The following VAV3 variants were observed in gnomAD, a reference collection of about 807,000 sequenced individuals.
VAV3 encodes guanine nucleotide exchange factor VAV3.
Under a neutral mutation model 131.2 loss-of-function variants are expected in VAV3, and 94 were observed. The observed-to-expected ratio is 0.72, with a 90% CI of 0.61 to 0.85. VAV3 has a LOEUF of 0.85. Among genes scored for constraint, VAV3 ranks in the 40% least tolerant of loss-of-function variants. The pLI is 0.00. For synonymous variants in VAV3, 349 were observed against 342.0 expected, an observed-to-expected ratio of 1.02 and a Z score of -0.22; for missense variants, 939 against 1,002.7, an observed-to-expected ratio of 0.94 and a Z score of 0.86.
At chr1:107,690,513 C>T (rs534353420) in intron 17 of VAV3, among the ~76,000 whole-genome samples, 11 of 152,274 alleles carry the variant, frequency 7.2e-5, no homozygotes, top group East Asian at 3.9e-4. Context: ...GACCCAGACA[C>T]GGCACTGATG....
chr1:107,806,488 T>C (rs547720278), intron 2 of VAV3, among the ~76,000 whole-genome samples: 1 of 151,890 alleles, frequency 6.6e-6, no homozygotes, highest in Non-Finnish European at 1.5e-5. Context: ...CTTGCTTCTA[T>C]GCCACCATTT....
intron 2 of VAV3, among the ~76,000 whole-genome samples, chr1:107,791,438 C>T (rs1287176598): frequency 6.6e-6 from 1 of 151,464 alleles, no homozygotes; most frequent in East Asian, 1.9e-4. Flanking sequence ...CACATGTGAA[C>T]CCAAGGCACC....
At chr1:107,610,641 A>G (rs1196110274) in intron 21 of VAV3, among the ~76,000 whole-genome samples, 1 of 152,180 alleles carries the variant, frequency 6.6e-6, no homozygotes, top group Non-Finnish European at 1.5e-5. Flanking sequence ...TGTTTCACAT[A>G]GAGCTTCGCA....
At chr1:107,696,768 G>C (rs1157874075) in intron 17 of VAV3, among the ~76,000 whole-genome samples, 2 of 152,076 alleles carry the variant, frequency 1.3e-5, no homozygotes, top group African/African-American at 4.8e-5. Flanking sequence ...GTCAAGTTCT[G>C]CTGAAATCAT....
chr1:107,677,323 A>G (rs1282036441), intron 19 of VAV3, among the ~76,000 whole-genome samples: 1 of 152,194 alleles, frequency 6.6e-6, no homozygotes, highest in Non-Finnish European at 1.5e-5. Flanking sequence ...CAAAGTCAAT[A>G]TGTTTTGACC....
intron 3 of VAV3, among the ~76,000 whole-genome samples, chr1:107,778,083 C>T (rs1462477379): frequency 3.3e-5 from 5 of 152,146 alleles, no homozygotes; most frequent in Non-Finnish European, 7.4e-5. Flanking sequence ...CTACTCTTTT[C>T]AGGCAGCCAG....
intron 19 of VAV3, among the ~76,000 whole-genome samples, chr1:107,673,877 AGAG>A (rs1658002795): frequency 6.6e-6 from 1 of 152,228 alleles, no homozygotes; most frequent in Non-Finnish European, 1.5e-5. Flanking sequence ...TAATTTGTCC[AGAG>A]AACTTTTTCT....
At chr1:107,727,223 C>T (rs966314010) in intron 15 of VAV3, among the ~76,000 whole-genome samples, 1 of 152,196 alleles carries the variant, frequency 6.6e-6, no homozygotes, top group Non-Finnish European at 1.5e-5. Flanking sequence ...GTCCCATGGC[C>T]AAGTCAGTGA....
chr1:107,617,038 C>A (rs1653207499), intron 21 of VAV3, among the ~76,000 whole-genome samples: 1 of 152,078 alleles, frequency 6.6e-6, no homozygotes, highest in Non-Finnish European at 1.5e-5. Context: ...AGGAAATGTT[C>A]ATTTATTCTC....
In VAV3 at chr1:107,677,218, T is replaced by C. The variant is rs180766543; in HGVS notation, c.1777+6270A>G. Among the ~76,000 whole-genome samples the C allele has an allele frequency of 1.6e-4, 24 of 152,310 alleles. No individual in the cohort carries two copies. In the East Asian group the frequency reaches 4.6e-3, roughly 29 times the overall value. ...ATCTTGCTATTTCTACATAGAACTG[T>C]AGTATAAATAAGATCATAAATTATA... On this transcript the variant is annotated intron_variant, in intron 19 of 26. Coordinates refer to ENST00000370056, the MANE Select transcript of VAV3 (RefSeq NM_006113.5).
chr1:107,648,832 G>A (rs923101188), intron 19 of VAV3, among the ~76,000 whole-genome samples: 4 of 151,950 alleles, frequency 2.6e-5, no homozygotes, highest in Non-Finnish European at 4.4e-5. Context: ...AACCTACAGG[G>A]AATGAGACTG....
At chr1:107,630,263 T>C (rs1654356503) in intron 20 of VAV3, among the ~76,000 whole-genome samples, 1 of 151,998 alleles carries the variant, frequency 6.6e-6, no homozygotes, top group South Asian at 2.1e-4. Flanking sequence ...TCTCCCAACA[T>C]GAAACACAGT....
At chr1:107,779,539 T>A (rs376457338) in intron 2 of VAV3, 47 bp from the exon 3 acceptor site, 4 of 1,465,790 alleles carry the variant, frequency 2.7e-6, no homozygotes, top group Non-Finnish European at 2.7e-6. Context: ...TCAGAAAATA[T>A]AAGATTTCTT....
rs189654759 is a variant in VAV3 at position 107,937,812 on chromosome 1, C to G, written c.204+26854G>C. Among the ~76,000 whole-genome samples the G allele has an allele frequency of 4.2e-3, 635 of 152,226 alleles. 4 individuals carry two copies. The highest frequency in any genetic ancestry group is 7.0e-3 in the Non-Finnish European group (477 of 68,000). ...CACAATATAATGACTGCATTAATAT[C>G]TATACACTATAGGTAGGCCCCAATT... is the stretch of plus-strand genomic sequence containing the variant. On this transcript the variant is annotated intron_variant, in intron 1 of 26. Coordinates refer to ENST00000370056, the MANE Select transcript of VAV3 (RefSeq NM_006113.5).
At chr1:107,679,286 C>CT (rs1658438795) in intron 19 of VAV3, among the ~76,000 whole-genome samples, 1 of 152,140 alleles carries the variant, frequency 6.6e-6, no homozygotes, top group South Asian at 2.1e-4. Flanking sequence ...AATCAAGAGT[C>CT]TAACAATGAG....
intron 2 of VAV3, among the ~76,000 whole-genome samples, chr1:107,847,273 G>C (rs1669012984): frequency 6.6e-6 from 1 of 152,214 alleles, no homozygotes; most frequent in East Asian, 1.9e-4. Flanking sequence ...AGCTAAAGCA[G>C]TGTTGAGAAG....
At chr1:107,737,605 T>C (rs1315009551) in intron 15 of VAV3, among the ~76,000 whole-genome samples, 2 of 152,004 alleles carry the variant, frequency 1.3e-5, no homozygotes, top group Non-Finnish European at 2.9e-5. Context: ...CATGAAAAAA[T>C]GCTCATCATC....
At chr1:107,736,850 AC>A (rs1328736918) in intron 15 of VAV3, among the ~76,000 whole-genome samples, 2 of 152,180 alleles carry the variant, frequency 1.3e-5, no homozygotes, top group African/African-American at 4.8e-5. Context: ...ATTAGAAAAA[AC>A]TACTTTAAAG....
At chr1:107,744,017 TA>T (rs1663174548) in intron 15 of VAV3, among the ~76,000 whole-genome samples, 1 of 152,182 alleles carries the variant, frequency 6.6e-6, no homozygotes, top group African/African-American at 2.4e-5. Context: ...TTGTGGAGCT[TA>T]ACGGCTACAT....
Sources: gnomAD v4.1 joint callset for allele counts (sites outside exome capture counted in the v4.1 genomes callset) on GRCh38, gnomAD v4.1.1 for gene constraint, MANE v1.5 for transcripts, NCBI Gene and HGNC (gene_info 2026-07-23, HGNC 2026-07-21) for gene names.